CENPX: variants seen among roughly 807,000 people sequenced by gnomAD.
CENPX encodes the protein FANCM associated histone fold protein 2.
A neutral mutation model predicts 13.2 loss-of-function variants in CENPX; 13 were observed. The observed-to-expected ratio is 0.98, with a 90% confidence interval of 0.64 to 1.56. The LOEUF (loss-of-function observed/expected upper bound fraction) is 1.56, where lower values mean the gene tolerates loss of function less well. Ranked by LOEUF, CENPX falls within the 40% of genes most tolerant of loss-of-function variation. The pLI is 0.00. For missense variants in CENPX, 138 were observed against 107.5 expected (o/e 1.28, Z -1.26); for synonymous variants, 66 against 47.2 (o/e 1.40, Z -1.63).
Position 82,019,000 on chromosome 17 carries a change from G to T in CENPX, c.*205C>A. 1 of 617,230 alleles carries T rather than the reference G, an allele frequency of 1.6e-6. No homozygotes were observed. Among genetic ancestry groups the T allele is most frequent in the Non-Finnish European group, 2.5e-6 (1 of 402,206 alleles). 38.2% of individuals were successfully genotyped at this position (617,230 alleles called of 1,614,324 possible). A position where few individuals can be genotyped will look rare whatever the true frequency, so the allele number is the denominator to read the frequency against. On this transcript the variant is annotated 3_prime_UTR_variant, in exon 5 of 5. Transcript: ENST00000392359. ...AGGTGCTGCCCCTTCCCACACCAGT[G>T]TCCCCACTGGACACTCCAAGGCCCG...
chr17:82,019,985 A>G (rs2043253123), intron 1 of CENPX, 76 bp from the exon 2 acceptor site: 4 of 1,357,260 alleles, frequency 2.9e-6, no homozygotes, highest in Non-Finnish European at 9.9e-7. Flanking sequence ...CATTCTGGTG[A>G]CAGTGGCTGT....
intron 2 of CENPX, 73 bp downstream of exon 2, chr17:82,019,785 C>T: frequency 6.4e-7 from 1 of 1,565,818 alleles, no homozygotes; most frequent in African/African-American, 1.4e-5. Flanking sequence ...GGCCTTGGCC[C>T]TGCAGAGTTG....
intron 1 of CENPX, among the ~76,000 whole-genome samples, chr17:82,020,958 A>T (rs1339908567): frequency 1.3e-5 from 2 of 152,102 alleles, no homozygotes; most frequent in African/African-American, 2.4e-5. Context: ...GGCCCAGGCC[A>T]GGCACCGGCC....
At chr17:82,019,940 C>T (rs756401333) in intron 1 of CENPX, 31 bp from the exon 2 acceptor site, 3 of 1,523,984 alleles carry the variant, frequency 2.0e-6, no homozygotes, top group East Asian at 4.7e-5. Flanking sequence ...AGCGCCACGC[C>T]CCGCCCTCCC....
At position 82,019,225 on chromosome 17, in the gene CENPX, G is replaced by T; in HGVS notation, c.232-6C>A. On this transcript the variant is annotated splice_region_variant and splice_polypyrimidine_tract_variant and intron_variant, in intron 4 of 4. Transcript: ENST00000392359. Reference sequence around the variant, plus strand: ...GATCCCTAGAAGTCCAGGAGCTGTGGGGAAGAGAAGCACTTAGGGCCAGCC... The same window carrying T: ...GATCCCTAGAAGTCCAGGAGCTGTGTGGAAGAGAAGCACTTAGGGCCAGCC... 1 of 1,590,210 alleles carries T rather than the reference G, an allele frequency of 6.3e-7. No individual in the cohort carries two copies. The highest frequency in any genetic ancestry group is 8.6e-7 in the Non-Finnish European group (1 of 1,163,846).
rs746029488 is a variant in CENPX, at chr17:82,019,225, G to A, written c.232-6C>T. ...GATCCCTAGAAGTCCAGGAGCTGTG[G>A]GGAAGAGAAGCACTTAGGGCCAGCC... is the stretch of plus-strand genomic sequence containing the variant. On this transcript the variant is annotated splice_region_variant and splice_polypyrimidine_tract_variant and intron_variant, in intron 4 of 4. Coordinates refer to ENST00000392359, the MANE Select transcript of CENPX (RefSeq NM_001271006.2). 7.5e-6 allele frequency: 12 copies of A among 1,590,092 alleles called. No homozygotes were observed. Among genetic ancestry groups the A allele is most frequent in the African/African-American group, 2.7e-5 (2 of 74,536 alleles).
At chr17:82,019,798 G>C in intron 2 of CENPX, 60 bp downstream of exon 2, 1 of 1,578,294 alleles carries the variant, frequency 6.3e-7, no homozygotes, top group South Asian at 1.2e-5. Flanking sequence ...CAGAGTTGCA[G>C]GAAAGGGTCC....
At chr17:82,019,813 G>A (rs1267107718) in intron 2 of CENPX, 45 bp downstream of exon 2, 6 of 1,592,216 alleles carry the variant, frequency 3.8e-6, no homozygotes, top group South Asian at 2.3e-5. Context: ...GGGTCCCTGA[G>A]GACAGACACG....
chr17:82,019,166 G>A lies in CENPX; in HGVS notation c.*39C>T, dbSNP rs199805593. 384 of 1,522,296 alleles carry A rather than the reference G, an allele frequency of 2.5e-4. 4 individuals carry two copies. In the East Asian group the frequency reaches 8.5e-3, roughly 34 times the overall value. 94.3% of individuals were successfully genotyped at this position (1,522,296 alleles called of 1,614,324 possible). Reference sequence around the variant, plus strand: ...CACAAGGCCTGCTTCTGTGGACCAGGGGCTCCTCTGGGGGTGGCCTCAGCC... The same window carrying A: ...CACAAGGCCTGCTTCTGTGGACCAGAGGCTCCTCTGGGGGTGGCCTCAGCC... On this transcript the variant is annotated 3_prime_UTR_variant, in exon 5 of 5. Coordinates refer to ENST00000392359, the MANE Select transcript of CENPX (RefSeq NM_001271006.2).
chr17:82,021,622 C>T (rs1342604306), intron 1 of CENPX, among the ~76,000 whole-genome samples: 5 of 152,218 alleles, frequency 3.3e-5, no homozygotes, highest in African/African-American at 9.6e-5. Flanking sequence ...CCCCACTCCC[C>T]GTCATTCTCA....
intron 1 of CENPX, among the ~76,000 whole-genome samples, chr17:82,022,070 G>A (rs1850783178): frequency 6.6e-6 from 1 of 152,186 alleles, no homozygotes; most frequent in Non-Finnish European, 1.5e-5. Flanking sequence ...AGGAAGCTCG[G>A]TGCCCCAACC....
rs182113279 is a variant in CENPX at position 82,019,395 on chromosome 17, C to T, written c.143-14G>A. 1.6e-3 allele frequency: 2,407 copies of T among 1,540,112 alleles called. 2 individuals carry two copies. Among genetic ancestry groups the T allele is most frequent in the Non-Finnish European group, 1.8e-3 (2,102 of 1,145,194 alleles). On this transcript the variant is annotated splice_polypyrimidine_tract_variant and intron_variant, in intron 3 of 4. Coordinates refer to ENST00000392359, the MANE Select transcript of CENPX (RefSeq NM_001271006.2). ...GGACTGCTGCTTCTGCGGTGAGAAA[C>T]GCGAGAGGTGGGGGATGCTGGGGGG...
chr17:82,019,296 C>T lies in CENPX; in HGVS notation c.228G>A (p.Gln76=), dbSNP rs2043229266. 1 of 1,595,646 alleles carries T rather than the reference C, an allele frequency of 6.3e-7. No homozygotes were observed. The highest frequency in any genetic ancestry group is 8.5e-7 in the Non-Finnish European group (1 of 1,171,530). The change falls in exon 4 of 5, where the codon CAG becomes CAA. Residue 76 remains glutamine (Q), a synonymous_variant. Coordinates refer to ENST00000392359, the MANE Select transcript of CENPX (RefSeq NM_001271006.2). ...DVDQLEKVLP[Q]LLLDF ...GCCCCGACCCACGCTCACGCACCAG[C>T]TGCGGAAGCACCTTCTCCAGCTGGT...
chr17:82,019,226 G>C lies in CENPX; in HGVS notation c.232-7C>G. ...ATCCCTAGAAGTCCAGGAGCTGTGGGGAAGAGAAGCACTTAGGGCCAGCCA... is the reference window on the plus strand; with the variant it reads ...ATCCCTAGAAGTCCAGGAGCTGTGGCGAAGAGAAGCACTTAGGGCCAGCCA... On this transcript the variant is annotated splice_region_variant and splice_polypyrimidine_tract_variant and intron_variant, in intron 4 of 4. Transcript: ENST00000392359. The C allele has an allele frequency of 6.3e-7, 1 of 1,590,194 alleles. No homozygotes were observed. The highest frequency in any genetic ancestry group is 8.6e-7 in the Non-Finnish European group (1 of 1,163,860).
In CENPX at chr17:82,018,822, G is replaced by A. The variant is rs542377868; in HGVS notation, c.*383C>T. On this transcript the variant is annotated 3_prime_UTR_variant, in exon 5 of 5. Coordinates refer to ENST00000392359, the MANE Select transcript of CENPX (RefSeq NM_001271006.2). ...AAGGTCACACGCCAGCTTTGATGTC[G>A]GGTGGCAGGAATGTGGGCAGGAGGC... is the stretch of plus-strand genomic sequence containing the variant. 9 of 316,196 alleles carry A rather than the reference G, an allele frequency of 2.8e-5. No individual in the cohort carries two copies. The highest frequency in any genetic ancestry group is 1.6e-4 in the South Asian group (1 of 6,358). 19.6% of individuals were successfully genotyped at this position (316,196 alleles called of 1,614,324 possible). A position where few individuals can be genotyped will look rare whatever the true frequency, so the allele number is the denominator to read the frequency against.
Position 82,019,103 on chromosome 17 carries a change from C to A in CENPX, c.*102G>T. ...TTGTTTGAATCAACTCCAAATCCTT[C>A]AGGTCCTTCCCTGCCTCTTATCAGA... On this transcript the variant is annotated 3_prime_UTR_variant, in exon 5 of 5. Coordinates refer to ENST00000392359, the MANE Select transcript of CENPX (RefSeq NM_001271006.2). 6.9e-7 allele frequency: 1 copy of A among 1,447,384 alleles called. No individual in the cohort carries two copies. Among genetic ancestry groups the A allele is most frequent in the Non-Finnish European group, 9.2e-7 (1 of 1,089,226 alleles). The allele number at this position is 1,447,384 out of a possible 1,614,324, so 89.7% of individuals were successfully genotyped here.
chr17:82,019,325 C>T lies in CENPX; in HGVS notation c.199G>A (p.Val67Met), dbSNP rs11555480. 62 of 1,587,842 alleles carry T rather than the reference C, an allele frequency of 3.9e-5. No homozygotes were observed. Among genetic ancestry groups the T allele is most frequent in the East Asian group, 4.5e-5 (2 of 43,958 alleles). The change falls in exon 4 of 5, where the codon GTG becomes ATG. Residue 67 changes from valine (V) to methionine (M), a missense_variant. Coordinates refer to ENST00000392359, the MANE Select transcript of CENPX (RefSeq NM_001271006.2). ...GGAAGCACCTTCTCCAGCTGGTCCACGTCCACACGGAGCGCGTCTTCTGCC... is the reference window on the plus strand; with the variant it reads ...GGAAGCACCTTCTCCAGCTGGTCCATGTCCACACGGAGCGCGTCTTCTGCC... The part of the protein sequence containing the change: ...AQAEDALRVD[V>M]DQLEKVLPQL...
intron 1 of CENPX, 35 bp from the exon 2 acceptor site, chr17:82,019,944 C>T (rs755553567): frequency 2.7e-6 from 4 of 1,507,140 alleles, no homozygotes; most frequent in Non-Finnish European, 3.6e-6. Context: ...CCACGCCCCG[C>T]CCTCCCCCCC....
At chr17:82,022,311 C>T (rs978748727) in intron 1 of CENPX, among the ~76,000 whole-genome samples, 11 of 152,360 alleles carry the variant, frequency 7.2e-5, no homozygotes, top group Admixed American at 7.2e-4. Context: ...TAATCCCTGT[C>T]AAGTGTGTGT....
Sources: allele counts gnomAD v4.1 joint callset (sites outside exome capture counted in the v4.1 genomes callset), GRCh38; gene constraint gnomAD v4.1.1; transcripts MANE v1.5; gene names NCBI Gene and HGNC (gene_info 2026-07-23, HGNC 2026-07-21).